Variants in KCNJ6 observed in about 807,000 individuals in gnomAD.
The protein encoded by KCNJ6 is potassium inwardly rectifying channel subfamily J member 6.
A neutral mutation model predicts 34.2 loss-of-function variants in KCNJ6; 9 were observed. That is an observed-to-expected ratio of 0.26 (90% CI 0.16 to 0.46). KCNJ6 has a LOEUF of 0.46. KCNJ6 is among the 20% of genes least tolerant of loss of function. The pLI, the probability that KCNJ6 is intolerant of heterozygous loss-of-function variation, is 1.00. For missense variants in KCNJ6, 236 were observed against 531.3 expected, an observed-to-expected ratio of 0.44 and a Z score of 5.46; for synonymous variants, 196 against 207.1, an observed-to-expected ratio of 0.95 and a Z score of 0.46.
chr21:37,827,235 A>T (rs2055403527), intron 2 of KCNJ6, among the ~76,000 whole-genome samples: 2 of 152,196 alleles, frequency 1.3e-5, no homozygotes, highest in African/African-American at 4.8e-5. Context: ...TCCAGGAAGC[A>T]ATCACCCTCT....
chr21:37,715,681 G>C (rs1049709007), intron 2 of KCNJ6, among the ~76,000 whole-genome samples: 1 of 152,172 alleles, frequency 6.6e-6, no homozygotes, highest in African/African-American at 2.4e-5. Flanking sequence ...GAGGCCATAG[G>C]GTTGGGGCTC....
chr21:37,703,254 G>A (rs910856702), intron 3 of KCNJ6, among the ~76,000 whole-genome samples: 2 of 152,192 alleles, frequency 1.3e-5, no homozygotes, highest in Non-Finnish European at 2.9e-5. Context: ...AGTAGGCTGA[G>A]GGAATGGGAG....
intron 3 of KCNJ6, among the ~76,000 whole-genome samples, chr21:37,688,993 G>A (rs905133673): frequency 5.3e-5 from 8 of 152,118 alleles, no homozygotes; most frequent in Non-Finnish European, 1.0e-4. Flanking sequence ...TACACCAAAG[G>A]TGCATATATC....
At chr21:37,777,445 T>C (rs2055147817) in intron 2 of KCNJ6, among the ~76,000 whole-genome samples, 1 of 152,202 alleles carries the variant, frequency 6.6e-6, no homozygotes, top group African/African-American at 2.4e-5. Context: ...TTTTTGACTC[T>C]GAGGACTTTT....
chr21:37,833,804 A>G (rs1456007233), intron 2 of KCNJ6, among the ~76,000 whole-genome samples: 1 of 152,214 alleles, frequency 6.6e-6, no homozygotes, highest in Admixed American at 6.5e-5. Flanking sequence ...CAAAAGGCAC[A>G]CTGACTGTGG....
At chr21:37,700,107 A>T (rs1465037462) in intron 3 of KCNJ6, among the ~76,000 whole-genome samples, 1 of 152,162 alleles carries the variant, frequency 6.6e-6, no homozygotes, top group Non-Finnish European at 1.5e-5. Flanking sequence ...AACAGAAAAA[A>T]AAAAGGCATA....
At chr21:37,636,835 G>A (rs2054360136) in intron 3 of KCNJ6, among the ~76,000 whole-genome samples, 1 of 152,066 alleles carries the variant, frequency 6.6e-6, no homozygotes, top group Non-Finnish European at 1.5e-5. Flanking sequence ...AGAACCCCCT[G>A]GACAAAGCCA....
intron 2 of KCNJ6, among the ~76,000 whole-genome samples, chr21:37,749,557 G>A (rs1194498214): frequency 1.3e-5 from 2 of 152,222 alleles, no homozygotes; most frequent in African/African-American, 4.8e-5. Flanking sequence ...AAGTGCCTAT[G>A]TTGTGGCTGT....
intron 3 of KCNJ6, among the ~76,000 whole-genome samples, chr21:37,655,836 G>T (rs564305122): frequency 6.6e-6 from 1 of 152,306 alleles, no homozygotes; most frequent in East Asian, 1.9e-4. Flanking sequence ...CGGAGGTCAG[G>T]GTTTGCACTT....
intron 1 of KCNJ6, among the ~76,000 whole-genome samples, chr21:37,878,013 T>C (rs2055687536): frequency 6.6e-6 from 1 of 152,228 alleles, no homozygotes; most frequent in African/African-American, 2.4e-5. Context: ...GACTTAATTC[T>C]GAGAGTACAC....
At chr21:37,806,340 T>C (rs1280373493) in intron 2 of KCNJ6, among the ~76,000 whole-genome samples, 1 of 152,214 alleles carries the variant, frequency 6.6e-6, no homozygotes, top group Non-Finnish European at 1.5e-5. Context: ...AGTCAGGCAC[T>C]GTGTATGTGG....
At chr21:37,653,592 G>A (rs2054443966) in intron 3 of KCNJ6, among the ~76,000 whole-genome samples, 1 of 152,202 alleles carries the variant, frequency 6.6e-6, no homozygotes, top group Non-Finnish European at 1.5e-5. Context: ...ATGCTTTAGG[G>A]AAATTGCTGT....
intron 2 of KCNJ6, among the ~76,000 whole-genome samples, chr21:37,752,471 C>T (rs1312680841): frequency 6.6e-6 from 1 of 152,052 alleles, no homozygotes; most frequent in Non-Finnish European, 1.5e-5. Flanking sequence ...AAGCCAACAG[C>T]AGCAAAAGCC....
Position 37,616,600 on chromosome 21 carries a change from T to TAC in KCNJ6, c.*8558_*8559insGT, listed in dbSNP as rs1300771476. Reference sequence around the variant, plus strand: ...CAGGAACAAAATGTACATATATATATATATATATATATATATGGTTAGACT... The same window carrying TAC: ...CAGGAACAAAATGTACATATATATATACATATATATATATATATGGTTAGACT... On this transcript the variant is annotated 3_prime_UTR_variant, in exon 4 of 4. Transcript: ENST00000609713. 1 of 123,108 alleles carries TAC rather than the reference T, an allele frequency of 8.1e-6. No homozygotes were observed. Among genetic ancestry groups the TAC allele is most frequent in the African/African-American group, 3.3e-5 (1 of 30,506 alleles). 7.6% of individuals were successfully genotyped at this position (123,108 alleles called of 1,614,324 possible).
chr21:37,662,481 T>C (rs980510103), intron 3 of KCNJ6, among the ~76,000 whole-genome samples: 1 of 152,242 alleles, frequency 6.6e-6, no homozygotes, highest in Non-Finnish European at 1.5e-5. Context: ...ATGGTGTATA[T>C]GTACCACATT....
At chr21:37,899,603 G>A (rs1322888761) in intron 1 of KCNJ6, among the ~76,000 whole-genome samples, 1 of 152,198 alleles carries the variant, frequency 6.6e-6, no homozygotes, top group Non-Finnish European at 1.5e-5. Context: ...ATTGAAGAGT[G>A]GACCTTGGTA....
At chr21:37,807,396 C>T (rs957752282) in intron 2 of KCNJ6, among the ~76,000 whole-genome samples, 8 of 152,240 alleles carry the variant, frequency 5.3e-5, no homozygotes, top group African/African-American at 1.7e-4. Context: ...GTAAAAGTCA[C>T]GTATTTCCTG....
At chr21:37,757,822 T>A (rs887302605) in intron 2 of KCNJ6, among the ~76,000 whole-genome samples, 6 of 152,274 alleles carry the variant, frequency 3.9e-5, no homozygotes, top group African/African-American at 1.4e-4. Context: ...GCCTAGTCAC[T>A]GGCTGGCTCG....
intron 2 of KCNJ6, among the ~76,000 whole-genome samples, chr21:37,779,453 T>C (rs1349697929): frequency 6.6e-6 from 1 of 152,128 alleles, no homozygotes; most frequent in Non-Finnish European, 1.5e-5. Flanking sequence ...ACCATGAACT[T>C]GTCAAAAGTC....
Sources: gnomAD v4.1 joint callset for allele counts (sites outside exome capture counted in the v4.1 genomes callset) on GRCh38, gnomAD v4.1.1 for gene constraint, MANE v1.5 for transcripts, NCBI Gene and HGNC (gene_info 2026-07-23, HGNC 2026-07-21) for gene names.